The following MAP2K5 variants were observed in gnomAD, a reference collection of about 807,000 sequenced individuals.
MAP2K5 encodes the protein mitogen-activated protein kinase kinase 5.
MAP2K5 carries 49 observed loss-of-function variants against 83.1 expected under a neutral mutation model. The observed-to-expected ratio is 0.59, with a 90% CI of 0.47 to 0.75. The LOEUF (loss-of-function observed/expected upper bound fraction) is 0.75, where lower values mean the gene tolerates loss of function less well. Ranked by LOEUF, MAP2K5 falls within the 30% of genes least tolerant of loss-of-function variation. The probability of loss-of-function intolerance (pLI) is 0.00; values close to 1 mark genes in which losing one functional copy is unlikely to be tolerated. For synonymous variants in MAP2K5, 202 were observed against 191.8 expected (o/e 1.05, Z -0.44); for missense variants, 457 against 557.5 (o/e 0.82, Z 1.82).
chr15:67,612,073 CTTTTTT>C (rs57650533), intron 8 of MAP2K5, among the ~76,000 whole-genome samples: 15 of 117,228 alleles, frequency 1.3e-4, no homozygotes, highest in African/African-American at 4.6e-4. Context: ...CTTTGGTTTT[CTTTTTT>C]TTTTTTTTTT....
rs538282462 is a variant in MAP2K5, at chr15:67,775,331, G to C, written c.1242+2579G>C. On this transcript the variant is annotated intron_variant, in intron 21 of 21. Transcript: ENST00000178640. This position sits in a 1 kb window ranked among gnomAD's most constrained non-coding sequence, Gnocchi z 5.3. The stretch of plus-strand genomic sequence containing the variant: ...ATGGTTTTCGGTCTTTATATCCTAA[G>C]TGGAAGTATTTTAAAGTTGGACCAA... Among the ~76,000 whole-genome samples, 31 of 152,190 alleles carry C rather than the reference G, an allele frequency of 2.0e-4. No individual in the cohort carries two copies. Among genetic ancestry groups the C allele is most frequent in the Non-Finnish European group, 4.0e-4 (27 of 68,044 alleles).
intron 8 of MAP2K5, among the ~76,000 whole-genome samples, chr15:67,607,182 A>C (rs1162386761): frequency 6.6e-6 from 1 of 152,212 alleles, no homozygotes; most frequent in Non-Finnish European, 1.5e-5. Flanking sequence ...CCAAGATCAT[A>C]TTTTAAAGAA....
chr15:67,591,066 G>T (rs1213299423), intron 6 of MAP2K5, among the ~76,000 whole-genome samples: 2 of 152,106 alleles, frequency 1.3e-5, no homozygotes, highest in Admixed American at 6.5e-5. Context: ...AATAGAGTTG[G>T]CTGGGTGTGG....
At chr15:67,558,115 G>T (rs918050702) in intron 2 of MAP2K5, among the ~76,000 whole-genome samples, 1 of 152,112 alleles carries the variant, frequency 6.6e-6, no homozygotes, top group Admixed American at 6.5e-5. Context: ...TTGCTAATTT[G>T]TATGAAAATT....
At chr15:67,787,605 A>G (rs879686621) in intron 21 of MAP2K5, among the ~76,000 whole-genome samples, 2 of 152,250 alleles carry the variant, frequency 1.3e-5, no homozygotes, top group Admixed American at 1.3e-4. Flanking sequence ...AAGAAGAGTT[A>G]TTTAAAATTG....
At chr15:67,621,830 G>A (rs1376747706) in intron 8 of MAP2K5, among the ~76,000 whole-genome samples, 1 of 152,178 alleles carries the variant, frequency 6.6e-6, no homozygotes, top group Non-Finnish European at 1.5e-5. Flanking sequence ...AGCTTCCTTT[G>A]TTGTGGAGGG....
At chr15:67,586,784 A>C in intron 5 of MAP2K5, 62 bp from the exon 6 acceptor site, 1 of 1,474,362 alleles carries the variant, frequency 6.8e-7, no homozygotes, top group Non-Finnish European at 9.5e-7. Context: ...GGCAAATTAT[A>C]GGTTAATTAG....
At chr15:67,727,334 A>G (rs1381863142) in intron 16 of MAP2K5, among the ~76,000 whole-genome samples, 1 of 152,242 alleles carries the variant, frequency 6.6e-6, no homozygotes, top group East Asian at 1.9e-4. Flanking sequence ...ATCAAGTTAG[A>G]TTGGAAGCTT....
intron 13 of MAP2K5, among the ~76,000 whole-genome samples, 162 bp from the exon 14 acceptor site, chr15:67,692,317 C>T (rs539477633): frequency 2.6e-5 from 4 of 151,782 alleles, no homozygotes; most frequent in Non-Finnish European, 5.9e-5. Flanking sequence ...ATTTTACCTT[C>T]GGTTAAAAAA....
intron 12 of MAP2K5, among the ~76,000 whole-genome samples, chr15:67,661,043 GC>G (rs10712444): frequency 0.98 from 149,437 of 152,140 alleles, 73,457 homozygotes; most frequent in Middle Eastern, 1. Flanking sequence ...TAATAATCTG[GC>G]CATGCAAGGC....
intron 16 of MAP2K5, among the ~76,000 whole-genome samples, chr15:67,704,867 G>C (rs1202112858): frequency 2.0e-5 from 3 of 152,176 alleles, no homozygotes; most frequent in Non-Finnish European, 4.4e-5. Flanking sequence ...TATAGTGTAA[G>C]ACAATTGAGA....
intron 8 of MAP2K5, among the ~76,000 whole-genome samples, chr15:67,625,176 A>G (rs923997614): frequency 1.8e-4 from 28 of 152,330 alleles, no homozygotes; most frequent in Non-Finnish European, 2.2e-4. Context: ...TCTATAACCT[A>G]TTGTTACAAA....
At chr15:67,701,770 A>G (rs12905509) in intron 15 of MAP2K5, among the ~76,000 whole-genome samples, 56,757 of 152,068 alleles carry the variant, frequency 0.37, 12,102 homozygotes, top group Non-Finnish European at 0.5. Context: ...TGAGCACCTC[A>G]GGCAGTTCTG....
At chr15:67,700,910 A>G (rs4444286) in intron 15 of MAP2K5, among the ~76,000 whole-genome samples, 2,838 of 151,056 alleles carry the variant, frequency 0.019, 93 homozygotes, top group African/African-American at 0.065. Flanking sequence ...GAACATTATC[A>G]CTTTTTCTAT....
chr15:67,563,208 A>G lies in MAP2K5; in HGVS notation c.185-75A>G, dbSNP rs922701284. On this transcript the variant is annotated intron_variant, in intron 2 of 21. Coordinates refer to ENST00000178640, the MANE Select transcript of MAP2K5 (RefSeq NM_145160.3). The surrounding 1 kb of genome is among the most constrained non-coding windows in gnomAD (Gnocchi z 4.5). Reference sequence around the variant, plus strand: ...GGGTTAGAATATCACATTGTAATAAACCGTTTATATTATGTTCCCTTTGTG... The same window carrying G: ...GGGTTAGAATATCACATTGTAATAAGCCGTTTATATTATGTTCCCTTTGTG... The G allele has an allele frequency of 1.5e-5, 23 of 1,523,826 alleles. No individual in the cohort carries two copies. The Middle Eastern group carries it at 5.4e-4, about 36-fold the overall frequency. 94.4% of individuals were successfully genotyped at this position (1,523,826 alleles called of 1,614,324 possible). A position where few individuals can be genotyped will look rare whatever the true frequency, so the allele number is the denominator to read the frequency against.
intron 15 of MAP2K5, among the ~76,000 whole-genome samples, chr15:67,697,515 A>G: frequency 6.6e-6 from 1 of 152,182 alleles, no homozygotes; most frequent in East Asian, 1.9e-4. Flanking sequence ...CATATTATTT[A>G]TGCATCTCCC....
chr15:67,755,224 C>T lies in MAP2K5; in HGVS notation c.1134+6623C>T, dbSNP rs1235276701. On this transcript the variant is annotated intron_variant, in intron 19 of 21. Transcript: ENST00000178640. This position sits in a 1 kb window ranked among gnomAD's most constrained non-coding sequence, Gnocchi z 4.7. ...AAACTCCTGACCTCAAGTGATCGCC[C>T]GCCTCAGCCTCCCAAAGTGCTAAGA... 5.9e-5 allele frequency among the ~76,000 whole-genome samples: 9 copies of T among 152,202 alleles called. No individual in the cohort carries two copies. In the South Asian group the frequency reaches 1.2e-3, roughly 21 times the overall value.
At chr15:67,718,008 G>A (rs1385237150) in intron 16 of MAP2K5, 3 of 152,176 alleles carry the variant, frequency 2.0e-5, no homozygotes, top group Non-Finnish European at 4.4e-5. Context: ...CTGGAAGCAC[G>A]GCACATTTCA....
At chr15:67,739,456 ATATATATTTTTTTTTTTTTTTTTTTTTT>A (rs1298539880) in intron 17 of MAP2K5, among the ~76,000 whole-genome samples, 23 of 17,158 alleles carry the variant, frequency 1.3e-3, no homozygotes, top group Non-Finnish European at 1.7e-3. Flanking sequence ...ATATATATAT[ATATATATTTTTTTTTTTTTTTTTTTTTT>A]TTTTTTTTTT....
Sources: gnomAD v4.1 joint callset for allele counts (sites outside exome capture counted in the v4.1 genomes callset) on GRCh38, gnomAD v4.1.1 for gene constraint, Gnocchi (gnomAD v3.1) non-coding constraint, MANE v1.5 for transcripts, NCBI Gene and HGNC (gene_info 2026-07-23, HGNC 2026-07-21) for gene names.